XPO6: variants seen among roughly 807,000 people sequenced by gnomAD.
XPO6 encodes the protein exportin-6.
XPO6 carries 3 observed loss-of-function variants against 130.0 expected under a neutral mutation model. The observed-to-expected ratio is 0.02, with a 90% confidence interval of 0.01 to 0.06. The LOEUF is 0.06. Among genes scored for constraint, XPO6 ranks in the 10% least tolerant of loss-of-function variants. The pLI is 1.00. For missense variants in XPO6, 970 were observed against 1,393.0 expected (o/e 0.70, Z 4.83); for synonymous variants, 524 against 548.9 (o/e 0.95, Z 0.63).
intron 5 of XPO6, among the ~76,000 whole-genome samples, chr16:28,167,422 C>G (rs765434077): frequency 6.6e-6 from 1 of 152,170 alleles, no homozygotes; most frequent in Non-Finnish European, 1.5e-5. Flanking sequence ...ACAGACGCGG[C>G]CTTGCTATGC....
At chr16:28,170,100 A>T (rs1477924726) in intron 4 of XPO6, among the ~76,000 whole-genome samples, 191 bp from the exon 5 acceptor site, 3 of 152,282 alleles carry the variant, frequency 2.0e-5, no homozygotes, top group Non-Finnish European at 4.4e-5. Flanking sequence ...TGGGTGGCTG[A>T]GACGGGCGGA....
Position 28,208,475 on chromosome 16 carries a change from C to G in XPO6, c.3+2891G>C, listed in dbSNP as rs563170444. 7.9e-5 allele frequency among the ~76,000 whole-genome samples: 12 copies of G among 152,300 alleles called. 1 individual carries two copies. The South Asian group carries it at 1.9e-3, about 24-fold the overall frequency. On this transcript the variant is annotated intron_variant, in intron 1 of 23. Transcript: ENST00000304658. ...GCCTACCCTACCCAAGCCCCTGACC[C>G]TGGGATACCTACAGATGAACCACTG...
In XPO6 at chr16:28,164,189, C is replaced by T. The variant is rs1414486531; in HGVS notation, c.643+2319G>A. 6.5e-3 allele frequency among the ~76,000 whole-genome samples: 986 copies of T among 152,296 alleles called. 10 individuals are homozygous for T. The highest frequency in any genetic ancestry group is 0.023 in the African/African-American group (938 of 41,562). ...ACCTAAGACACAGGGCAGGAGAGCC[C>T]CACAGGGGCTGAGCTAAGGAATTCA... On this transcript the variant is annotated intron_variant, in intron 6 of 23. Transcript: ENST00000304658.
intron 13 of XPO6, among the ~76,000 whole-genome samples, chr16:28,125,138 G>A (rs1033504779): frequency 6.6e-6 from 1 of 152,180 alleles, no homozygotes; most frequent in African/African-American, 2.4e-5. Context: ...GTGGTGAAAG[G>A]CTGGGAACCA....
intron 1 of XPO6, among the ~76,000 whole-genome samples, chr16:28,208,399 C>T (rs1043011144): frequency 1.1e-4 from 16 of 152,126 alleles, no homozygotes; most frequent in Admixed American, 2.6e-4. Flanking sequence ...AAAGACCCTC[C>T]GCCTGTAAGA....
At chr16:28,161,952 T>C (rs774875768) in intron 6 of XPO6, among the ~76,000 whole-genome samples, 2 of 152,180 alleles carry the variant, frequency 1.3e-5, no homozygotes, top group Non-Finnish European at 2.9e-5. Flanking sequence ...TCCTCTGTAT[T>C]AAAGTGAAAA....
In XPO6 at chr16:28,156,222, T is replaced by G; in HGVS notation, c.949A>C (p.Asn317His). ...ACACAGTTCTTGGACATGAGTTCAT[T>G]GATGCAGGACATGGCCAGGACCCCC... The part of the protein sequence containing the change: ...RLGVLAMSCI[N>H]ELMSKNCVPM... Residue 317 changes from asparagine to histidine, a missense_variant, in exon 7 of 24, where the codon AAT becomes CAT. Physicochemically the swap from Asn to His is moderately conservative, Grantham distance 68 (BLOSUM62 1). Coordinates refer to ENST00000304658, the MANE Select transcript of XPO6 (RefSeq NM_015171.4). 2 of 1,614,152 alleles carry G rather than the reference T, an allele frequency of 1.2e-6. No homozygotes were observed. The highest frequency in any genetic ancestry group is 1.7e-6 in the Non-Finnish European group (2 of 1,180,036).
In XPO6 at chr16:28,171,924, C is replaced by G. The variant is rs185244275; in HGVS notation, c.406-2015G>C. On this transcript the variant is annotated intron_variant, in intron 4 of 23. Coordinates refer to ENST00000304658, the MANE Select transcript of XPO6 (RefSeq NM_015171.4). ...TCCTTTTCCTTTCTTTCTCCTCTAC[C>G]TCTTTTGTCTCTATTTTCCCCTCCA... Among the ~76,000 whole-genome samples the G allele has an allele frequency of 5.9e-5, 9 of 152,054 alleles. No individual in the cohort carries two copies. The East Asian group carries it at 1.7e-3, about 29-fold the overall frequency.
Position 28,156,481 on chromosome 16 carries a change from C to T in XPO6, c.690G>A (p.Leu230=). The T allele has an allele frequency of 6.2e-7, 1 of 1,601,164 alleles. No homozygotes were observed. The highest frequency in any genetic ancestry group is 8.5e-7 in the Non-Finnish European group (1 of 1,170,870). ...NLLQSPSSAK[L]LNQPIPILDV... Reference sequence around the variant, plus strand: ...CAAGGATGGGAATTGGCTGATTCAACAGTTTGGCTGAACTGGGACTCTGCA... The same window carrying T: ...CAAGGATGGGAATTGGCTGATTCAATAGTTTGGCTGAACTGGGACTCTGCA... Residue 230 remains leucine (L), a synonymous_variant, in exon 7 of 24, where the codon CTG becomes CTA. Coordinates refer to ENST00000304658, the MANE Select transcript of XPO6 (RefSeq NM_015171.4).
intron 1 of XPO6, among the ~76,000 whole-genome samples, chr16:28,197,914 T>TAAAA (rs56896819): frequency 0.013 from 589 of 45,736 alleles, 23 homozygotes; most frequent in Non-Finnish European, 0.018. Context: ...GAGAGACTCT[T>TAAAA]AAAAAAAAAA....
intron 14 of XPO6, among the ~76,000 whole-genome samples, chr16:28,120,047 G>A (rs545087443): frequency 7.2e-5 from 11 of 152,236 alleles, no homozygotes; most frequent in East Asian, 1.9e-4. Context: ...GTTTCACCAC[G>A]TTGGTCAGGC....
At chr16:28,125,895 T>C (rs749886792) in intron 12 of XPO6, 47 bp from the exon 13 acceptor site, 2 of 1,587,156 alleles carry the variant, frequency 1.3e-6, no homozygotes, top group South Asian at 1.1e-5. Flanking sequence ...GACCACGCTT[T>C]AGATACTACA....
intron 8 of XPO6, among the ~76,000 whole-genome samples, chr16:28,146,634 G>C (rs1473261657): frequency 6.6e-6 from 1 of 152,092 alleles, no homozygotes; most frequent in Admixed American, 6.6e-5. Flanking sequence ...AAACCATTAC[G>C]AAAGCAAAAA....
At chr16:28,173,098 G>T (rs1037997281) in intron 4 of XPO6, 2 of 152,140 alleles carry the variant, frequency 1.3e-5, no homozygotes, top group African/African-American at 4.8e-5. Flanking sequence ...TCCAGAGATG[G>T]TCTAACCTAC....
intron 4 of XPO6, among the ~76,000 whole-genome samples, chr16:28,172,633 G>A (rs1472117206): frequency 6.6e-6 from 1 of 152,030 alleles, no homozygotes; most frequent in Non-Finnish European, 1.5e-5. Context: ...CCAACCCACC[G>A]CACGTAAGGC....
chr16:28,118,877 CT>C (rs1373144829), intron 14 of XPO6, among the ~76,000 whole-genome samples: 2 of 152,168 alleles, frequency 1.3e-5, no homozygotes, highest in Non-Finnish European at 2.9e-5. Flanking sequence ...CAGACTTGAG[CT>C]TTTTTCTCCA....
At chr16:28,165,254 G>A (rs778967303) in intron 6 of XPO6, 6 of 152,026 alleles carry the variant, frequency 3.9e-5, no homozygotes, top group African/African-American at 2.4e-5. Context: ...GAATTTAAAC[G>A]AAAAAACAAA....
chr16:28,130,705 TAA>T (rs151209309), intron 12 of XPO6, among the ~76,000 whole-genome samples: 2,508 of 152,302 alleles, frequency 0.016, 67 homozygotes, highest in African/African-American at 0.058. Flanking sequence ...AAATTGCCAG[TAA>T]ACAGGCTTTA....
chr16:28,210,047 T>C (rs1022861880), intron 1 of XPO6, among the ~76,000 whole-genome samples: 5 of 152,120 alleles, frequency 3.3e-5, no homozygotes, highest in Admixed American at 6.6e-5. Context: ...GAGGACTGCT[T>C]GAGCCCAGGA....
Sources: gnomAD v4.1 joint callset for allele counts (sites outside exome capture counted in the v4.1 genomes callset) on GRCh38, gnomAD v4.1.1 for gene constraint, MANE v1.5 for transcripts, NCBI Gene and HGNC (gene_info 2026-07-23, HGNC 2026-07-21) for gene names.